SYN2: variants seen among roughly 807,000 people sequenced by gnomAD.
SYN2 encodes the protein synapsin II.
In SYN2, 19 loss-of-function variants were observed where a neutral mutation model predicts 50.9. The ratio of observed to expected loss-of-function variants is 0.37; its 90% confidence interval spans 0.26 to 0.55. SYN2 has a LOEUF of 0.55. SYN2 is among the 20% of genes least tolerant of loss of function. SYN2 has a pLI of 0.81. For synonymous variants in SYN2, 255 were observed against 224.9 expected (o/e 1.13, Z -1.20); for missense variants, 587 against 576.4 (o/e 1.02, Z -0.19).
chr3:12,179,697 C>T (rs1332504452), intron 10 of SYN2, among the ~76,000 whole-genome samples: 1 of 152,184 alleles, frequency 6.6e-6, no homozygotes, highest in African/African-American at 2.4e-5. Flanking sequence ...CATTTCGAGA[C>T]TTCTAACCAT....
At chr3:12,142,342 T>C (rs1697039427) in intron 3 of SYN2, among the ~76,000 whole-genome samples, 1 of 152,222 alleles carries the variant, frequency 6.6e-6, no homozygotes, top group Non-Finnish European at 1.5e-5. Flanking sequence ...CAGAGTTCCA[T>C]TGCTTTAAAA....
At chr3:12,127,932 C>T (rs1307010838) in intron 1 of SYN2, among the ~76,000 whole-genome samples, 1 of 152,002 alleles carries the variant, frequency 6.6e-6, no homozygotes. Context: ...CCTTGTGCTT[C>T]TATAATACTA....
chr3:12,114,743 T>C (rs1696392736), intron 1 of SYN2, among the ~76,000 whole-genome samples: 1 of 152,202 alleles, frequency 6.6e-6, no homozygotes, highest in African/African-American at 2.4e-5. Context: ...AGAAACTTAT[T>C]ATTTAGAAAT....
At chr3:12,140,612 G>A (rs1696994203) in intron 1 of SYN2, 39 bp from the exon 2 acceptor site, 1 of 731,334 alleles carries the variant, frequency 1.4e-6, no homozygotes, top group Admixed American at 2.0e-5. Flanking sequence ...TTAAATACTT[G>A]CACAAAACTA....
chr3:12,137,719 T>A (rs951643536), intron 1 of SYN2, among the ~76,000 whole-genome samples: 3 of 152,144 alleles, frequency 2.0e-5, no homozygotes, highest in African/African-American at 4.8e-5. Flanking sequence ...TTTAAAAAAA[T>A]TTATGTAGCA....
At chr3:12,156,575 G>A (rs1697463375) in intron 5 of SYN2, among the ~76,000 whole-genome samples, 1 of 152,202 alleles carries the variant, frequency 6.6e-6, no homozygotes, top group African/African-American at 2.4e-5. Flanking sequence ...TGGGTGAGCA[G>A]CCTGTCCTTA....
chr3:12,092,923 C>T (rs1181841282), intron 1 of SYN2, among the ~76,000 whole-genome samples: 1 of 152,128 alleles, frequency 6.6e-6, no homozygotes, highest in Non-Finnish European at 1.5e-5. Flanking sequence ...ATAACATTTT[C>T]CCTTTTTCCC....
chr3:12,045,022 G>A (rs962316918), intron 1 of SYN2, among the ~76,000 whole-genome samples: 1 of 152,112 alleles, frequency 6.6e-6, no homozygotes, highest in Non-Finnish European at 1.5e-5. Flanking sequence ...TGGTGGAGAT[G>A]GAATCATTAG....
At chr3:12,022,230 C>T (rs1694156304) in intron 1 of SYN2, among the ~76,000 whole-genome samples, 3 of 152,030 alleles carry the variant, frequency 2.0e-5, no homozygotes, top group Non-Finnish European at 4.4e-5. Flanking sequence ...TGATGGTAGG[C>T]CTCAAAAAAA....
chr3:12,071,080 A>G (rs562456285), intron 1 of SYN2: 3 of 561,394 alleles, frequency 5.3e-6, no homozygotes, highest in Admixed American at 3.8e-5. Context: ...CTTCAACTCC[A>G]TCATGAAGTG....
At chr3:12,157,435 C>G (rs756439215) in intron 5 of SYN2, 3 of 1,614,180 alleles carry the variant, frequency 1.9e-6, no homozygotes, top group Non-Finnish European at 2.5e-6. Context: ...TCAGCAGGGT[C>G]TGCACTGGCC....
intron 11 of SYN2, among the ~76,000 whole-genome samples, chr3:12,186,353 G>T (rs903726066): frequency 1.3e-5 from 2 of 152,158 alleles, no homozygotes; most frequent in African/African-American, 4.8e-5. Context: ...TAGGCAATCT[G>T]GTACCACCTT....
At position 12,004,845 on chromosome 3, in the gene SYN2, C is replaced by T; in HGVS notation, c.294C>T (p.Gly98=). 1.9e-6 allele frequency: 1 copy of T among 539,504 alleles called. No individual in the cohort carries two copies. Among genetic ancestry groups the T allele is most frequent in the Non-Finnish European group, 3.3e-6 (1 of 304,806 alleles). The allele number at this position is 539,504 out of a possible 1,614,324, so 33.4% of individuals were successfully genotyped here. ...TGAAGCAGACGGCCGCCTCGGCTGG[C>T]CTGGTGGACGCGCCCGCTCCCGCGC... is the stretch of plus-strand genomic sequence containing the variant. The part of the protein sequence containing the change: ...QAVKQTAASA[G]LVDAPAPAPA... The change falls in exon 1 of 13, where the codon GGC becomes GGT. Residue 98 remains glycine, a synonymous_variant. Transcript: ENST00000621198.
intron 1 of SYN2, among the ~76,000 whole-genome samples, chr3:12,120,298 G>C (rs1295203447): frequency 1.3e-5 from 2 of 151,810 alleles, no homozygotes; most frequent in African/African-American, 4.8e-5. Context: ...TTTTTTTTTA[G>C]AGCTTTATTT....
intron 1 of SYN2, among the ~76,000 whole-genome samples, chr3:12,087,662 A>G (rs1046454124): frequency 1.1e-4 from 16 of 151,724 alleles, no homozygotes; most frequent in Non-Finnish European, 1.8e-4. Context: ...TTGAGGCGGG[A>G]GGATCACTTG....
At chr3:12,182,872 C>T (rs530353527) in intron 10 of SYN2, among the ~76,000 whole-genome samples, 120 of 152,344 alleles carry the variant, frequency 7.9e-4, no homozygotes, top group African/African-American at 2.7e-3. Context: ...CTAGAGCCAC[C>T]TATAGTCCAA....
chr3:12,016,626 G>A (rs139509864), intron 1 of SYN2, among the ~76,000 whole-genome samples: 20 of 152,332 alleles, frequency 1.3e-4, no homozygotes, highest in Non-Finnish European at 2.5e-4. Context: ...GGAAGCTGAG[G>A]CGGGCAGATC....
intron 1 of SYN2, among the ~76,000 whole-genome samples, chr3:12,112,000 T>C (rs1405744034): frequency 2.0e-5 from 3 of 152,216 alleles, no homozygotes; most frequent in African/African-American, 7.2e-5. Context: ...CAGAAACTTC[T>C]TAGGACATTG....
intron 1 of SYN2, among the ~76,000 whole-genome samples, chr3:12,114,093 G>A (rs1162516637): frequency 6.7e-6 from 1 of 150,054 alleles, no homozygotes; most frequent in Admixed American, 6.6e-5. Flanking sequence ...GCCACCACTT[G>A]TTGGCAATAG....
Sources: allele counts gnomAD v4.1 joint callset (sites outside exome capture counted in the v4.1 genomes callset), GRCh38; gene constraint gnomAD v4.1.1; transcripts MANE v1.5; gene names NCBI Gene and HGNC (gene_info 2026-07-23, HGNC 2026-07-21).